The following NRCAM variants were observed in gnomAD, a reference collection of about 807,000 sequenced individuals.
NRCAM encodes the protein neuronal cell adhesion molecule.
In NRCAM, 83 loss-of-function variants were observed where a neutral mutation model predicts 156.5. That is an observed-to-expected ratio of 0.53 (90% CI 0.44 to 0.64). The LOEUF is 0.64. NRCAM is among the 30% of genes least tolerant of loss of function. The pLI is 0.00. For missense variants in NRCAM, 1,417 were observed against 1,597.3 expected, an observed-to-expected ratio of 0.89 and a Z score of 1.92; for synonymous variants, 538 against 563.9, an observed-to-expected ratio of 0.95 and a Z score of 0.65.
At position 108,269,164 on chromosome 7, in the gene NRCAM, GAAAAAAA is replaced by G. The variant is rs563265399; in HGVS notation, c.-106-29001_-106-28995del. Among the ~76,000 whole-genome samples the G allele has an allele frequency of 2.1e-4, 22 of 105,898 alleles. No homozygotes were observed. The East Asian group carries it at 3.0e-3, about 14-fold the overall frequency. 69.5% of individuals were successfully genotyped at this position (105,898 alleles called of 152,430 possible). A position where few individuals can be genotyped will look rare whatever the true frequency, so the allele number is the denominator to read the frequency against. ...CGAATCATGTCTTCGTGCTGTATTT[GAAAAAAA>G]AAAAAAAGAAAAAAGAAACTCAACA... On this transcript the variant is annotated intron_variant, in intron 3 of 32. Transcript: ENST00000379028.
chr7:108,393,708 T>A (rs1306289345), intron 2 of NRCAM, among the ~76,000 whole-genome samples: 2 of 152,208 alleles, frequency 1.3e-5, no homozygotes, highest in African/African-American at 4.8e-5. Context: ...GCTGTTCCTA[T>A]TCAGCCATCT....
intron 13 of NRCAM, among the ~76,000 whole-genome samples, chr7:108,201,268 C>G (rs1348780756): frequency 6.6e-6 from 1 of 151,688 alleles, no homozygotes; most frequent in Non-Finnish European, 1.5e-5. Flanking sequence ...CTCTCGGTGC[C>G]CACCATGTGC....
chr7:108,339,600 C>T (rs2099251146), intron 2 of NRCAM, among the ~76,000 whole-genome samples: 1 of 152,118 alleles, frequency 6.6e-6, no homozygotes, highest in African/African-American at 2.4e-5. Flanking sequence ...GCAGTCCGAA[C>T]CCCTTTCTTT....
chr7:108,231,222 T>C (rs2094286744), intron 7 of NRCAM, 69 bp from the exon 8 acceptor site: 1 of 1,194,160 alleles, frequency 8.4e-7, no homozygotes, highest in African/African-American at 1.6e-5. Context: ...GCCCTACAAA[T>C]AAAGGCAAAC....
chr7:108,400,696 C>T (rs78509365), intron 1 of NRCAM, among the ~76,000 whole-genome samples: 8,233 of 152,144 alleles, frequency 0.054, 738 homozygotes, highest in African/African-American at 0.19. Flanking sequence ...CTTTAGAACC[C>T]TATAAATAGT....
At chr7:108,202,089 A>G (rs910479868) in intron 13 of NRCAM, among the ~76,000 whole-genome samples, 2 of 152,168 alleles carry the variant, frequency 1.3e-5, no homozygotes, top group Non-Finnish European at 2.9e-5. Flanking sequence ...CCAGAGGAAT[A>G]ATCATTAATT....
intron 1 of NRCAM, among the ~76,000 whole-genome samples, chr7:108,440,203 C>G (rs1395797443): frequency 6.6e-6 from 1 of 152,094 alleles, no homozygotes; most frequent in Non-Finnish European, 1.5e-5. Flanking sequence ...ATGGAGAACC[C>G]TCAAAAACAT....
intron 2 of NRCAM, among the ~76,000 whole-genome samples, chr7:108,396,849 A>G (rs974503926): frequency 2.6e-5 from 4 of 152,194 alleles, no homozygotes; most frequent in Non-Finnish European, 5.9e-5. Flanking sequence ...TTCTGTTCCA[A>G]TCTTTCATTT....
intron 11 of NRCAM, among the ~76,000 whole-genome samples, chr7:108,214,553 G>C (rs2086769437): frequency 6.6e-6 from 1 of 152,088 alleles, no homozygotes; most frequent in Admixed American, 6.5e-5. Flanking sequence ...CAAAAAACCA[G>C]CTCCTGGATT....
intron 2 of NRCAM, among the ~76,000 whole-genome samples, chr7:108,384,659 T>C (rs1462545597): frequency 6.6e-6 from 1 of 152,240 alleles, no homozygotes; most frequent in Non-Finnish European, 1.5e-5. Flanking sequence ...TTAATACATA[T>C]GAATCCTGAG....
chr7:108,297,385 G>C (rs1046348748), intron 3 of NRCAM, among the ~76,000 whole-genome samples: 1 of 152,114 alleles, frequency 6.6e-6, no homozygotes, highest in African/African-American at 2.4e-5. Context: ...AGTAAGCTGA[G>C]TTCCAAAAAA....
chr7:108,275,748 A>G (rs1044702553), intron 3 of NRCAM, among the ~76,000 whole-genome samples: 3 of 151,628 alleles, frequency 2.0e-5, no homozygotes, highest in African/African-American at 7.3e-5. Context: ...TTCTGCTCTG[A>G]TCTTAGTTAT....
chr7:108,206,394 T>C (rs950058105), intron 13 of NRCAM, among the ~76,000 whole-genome samples: 6 of 152,222 alleles, frequency 3.9e-5, no homozygotes, highest in African/African-American at 2.4e-5. Flanking sequence ...TCAAAGCCAA[T>C]CTGTCCTGTA....
At chr7:108,355,853 G>A (rs183873861) in intron 2 of NRCAM, among the ~76,000 whole-genome samples, 58 of 152,216 alleles carry the variant, frequency 3.8e-4, no homozygotes, top group African/African-American at 1.3e-3. Flanking sequence ...CAATGCCTAC[G>A]TTACTCACCT....
intron 11 of NRCAM, among the ~76,000 whole-genome samples, chr7:108,215,123 G>C (rs867338032): frequency 8.5e-5 from 13 of 152,052 alleles, no homozygotes; most frequent in African/African-American, 3.1e-4. Flanking sequence ...GCTTGGTCCA[G>C]AGCTGAGTTC....
At chr7:108,447,242 G>A (rs1845355433) in intron 1 of NRCAM, among the ~76,000 whole-genome samples, 1 of 144,536 alleles carries the variant, frequency 6.9e-6, no homozygotes, top group African/African-American at 2.5e-5. Flanking sequence ...ATATGGGTTT[G>A]CCAAGTTCAC....
intron 3 of NRCAM, among the ~76,000 whole-genome samples, chr7:108,267,650 A>G (rs1406041050): frequency 6.6e-6 from 1 of 152,200 alleles, no homozygotes; most frequent in Non-Finnish European, 1.5e-5. Flanking sequence ...CTGCATTTAA[A>G]TTTTAGCATG....
At chr7:108,321,108 T>C in intron 2 of NRCAM, among the ~76,000 whole-genome samples, 1 of 152,226 alleles carries the variant, frequency 6.6e-6, no homozygotes, top group East Asian at 1.9e-4. Context: ...GCATAATTCA[T>C]CTTTTAACCA....
intron 2 of NRCAM, among the ~76,000 whole-genome samples, chr7:108,390,338 C>T (rs930603922): frequency 6.6e-5 from 10 of 152,006 alleles, no homozygotes; most frequent in African/African-American, 1.7e-4. Flanking sequence ...AGTTTATTTG[C>T]GTAGAGGTGT....
Sources: allele counts gnomAD v4.1 joint callset (sites outside exome capture counted in the v4.1 genomes callset), GRCh38; gene constraint gnomAD v4.1.1; transcripts MANE v1.5; gene names NCBI Gene and HGNC (gene_info 2026-07-23, HGNC 2026-07-21).